The following GPC5 variants were observed in gnomAD, a reference collection of about 807,000 sequenced individuals.
GPC5 encodes the protein glypican 5, also known as glypican-5.
A neutral mutation model predicts 53.9 loss-of-function variants in GPC5; 47 were observed. The ratio of observed to expected loss-of-function variants is 0.87; its 90% CI spans 0.69 to 1.11. GPC5 has a LOEUF of 1.11. Ranked by LOEUF, GPC5 falls within the 50% of genes most tolerant of loss-of-function variation. The probability of loss-of-function intolerance (pLI) is 0.00; values close to 1 mark genes in which losing one functional copy is unlikely to be tolerated. For synonymous variants in GPC5, 286 were observed against 263.3 expected, an observed-to-expected ratio of 1.09 and a Z score of -0.84; for missense variants, 748 against 713.1, an observed-to-expected ratio of 1.05 and a Z score of -0.56.
At chr13:91,900,959 T>A (rs2039492201) in intron 5 of GPC5, among the ~76,000 whole-genome samples, 1 of 152,112 alleles carries the variant, frequency 6.6e-6, no homozygotes. Context: ...AATCAGGAGT[T>A]AGGGTGAACA....
chr13:91,537,966 G>C (rs1340914156), intron 2 of GPC5, among the ~76,000 whole-genome samples: 1 of 152,148 alleles, frequency 6.6e-6, no homozygotes, highest in Non-Finnish European at 1.5e-5. Context: ...CCCCAAGGTG[G>C]AAACAACTCA....
chr13:92,535,831 A>G lies in GPC5; in HGVS notation c.1562-330451A>G, dbSNP rs567693912. ...ATATTAGAAATGGAAACAACAAGGC[A>G]TGGATGTTGGAATATAGCAAGTTTG... On this transcript the variant is annotated intron_variant, in intron 7 of 7. Transcript: ENST00000377067. 2.0e-5 allele frequency among the ~76,000 whole-genome samples: 3 copies of G among 152,260 alleles called. No homozygotes were observed. In the South Asian group the frequency reaches 6.2e-4, roughly 32 times the overall value.
intron 7 of GPC5, among the ~76,000 whole-genome samples, chr13:92,822,283 A>G (rs1048750919): frequency 6.6e-6 from 1 of 152,134 alleles, no homozygotes; most frequent in African/African-American, 2.4e-5. Flanking sequence ...ACTATCATGG[A>G]AATATTTATC....
chr13:92,390,525 T>C (rs1366429168), intron 7 of GPC5, among the ~76,000 whole-genome samples: 1 of 152,144 alleles, frequency 6.6e-6, no homozygotes, highest in Non-Finnish European at 1.5e-5. Context: ...CTGCCTTTTA[T>C]GGGTTTGTGG....
At chr13:91,421,729 C>T (rs532858190) in intron 1 of GPC5, among the ~76,000 whole-genome samples, 1 of 152,250 alleles carries the variant, frequency 6.6e-6, no homozygotes, top group Admixed American at 6.5e-5. Flanking sequence ...GACTGTCACC[C>T]TCAGTACAGT....
intron 5 of GPC5, among the ~76,000 whole-genome samples, chr13:91,871,817 G>A (rs1485230561): frequency 6.6e-6 from 1 of 151,812 alleles, no homozygotes; most frequent in East Asian, 1.9e-4. Context: ...TTGCCATGAC[G>A]CTAGATTAGT....
chr13:92,374,032 T>C (rs889118014), intron 7 of GPC5, among the ~76,000 whole-genome samples: 2 of 152,208 alleles, frequency 1.3e-5, no homozygotes, highest in African/African-American at 4.8e-5. Context: ...TGAGTTGCCA[T>C]ATCCTATAAA....
intron 7 of GPC5, among the ~76,000 whole-genome samples, chr13:92,336,231 G>A (rs578208358): frequency 3.9e-4 from 60 of 152,272 alleles, no homozygotes; most frequent in African/African-American, 1.4e-3. Flanking sequence ...GGCAGGTAAA[G>A]CAAGGTATTT....
At chr13:91,727,400 T>C (rs1594486640) in intron 3 of GPC5, among the ~76,000 whole-genome samples, 1 of 152,164 alleles carries the variant, frequency 6.6e-6, no homozygotes, top group South Asian at 2.1e-4. Flanking sequence ...TTTTGACACA[T>C]ACAACTTGCA....
At chr13:91,970,493 T>C (rs1387626663) in intron 6 of GPC5, among the ~76,000 whole-genome samples, 1 of 151,804 alleles carries the variant, frequency 6.6e-6, no homozygotes. Context: ...GATATGTCAG[T>C]TAGTTAGACT....
chr13:92,645,624 C>A (rs1885742247), intron 7 of GPC5, among the ~76,000 whole-genome samples: 1 of 152,072 alleles, frequency 6.6e-6, no homozygotes, highest in Non-Finnish European at 1.5e-5. Flanking sequence ...TCCAAAGTGG[C>A]TATAATAGTT....
At chr13:92,638,545 T>C (rs1885486261) in intron 7 of GPC5, among the ~76,000 whole-genome samples, 1 of 143,070 alleles carries the variant, frequency 7.0e-6, no homozygotes, top group South Asian at 2.1e-4. Flanking sequence ...CCAAGTCAGC[T>C]TCCTGTTTTC....
chr13:91,666,531 A>G (rs2035117487), intron 2 of GPC5, among the ~76,000 whole-genome samples: 1 of 152,174 alleles, frequency 6.6e-6, no homozygotes, highest in South Asian at 2.1e-4. Flanking sequence ...TTTAATTGAA[A>G]TTGCATTTCA....
chr13:92,753,019 G>T (rs1368145363), intron 7 of GPC5, among the ~76,000 whole-genome samples: 2 of 152,192 alleles, frequency 1.3e-5, no homozygotes, highest in African/African-American at 4.8e-5. Flanking sequence ...GCCTCTGTAG[G>T]CTCCACCTCT....
At chr13:91,978,800 A>G (rs1334918832) in intron 6 of GPC5, among the ~76,000 whole-genome samples, 2 of 152,240 alleles carry the variant, frequency 1.3e-5, no homozygotes, top group African/African-American at 4.8e-5. Flanking sequence ...AATGGGTAAT[A>G]TGAGGGCAGG....
intron 7 of GPC5, among the ~76,000 whole-genome samples, chr13:92,385,369 T>TACAC (rs1441934635): frequency 2.4e-5 from 2 of 82,516 alleles, no homozygotes; most frequent in Non-Finnish European, 4.8e-5. Context: ...TATACATATA[T>TACAC]ATACATATAT....
Position 91,559,644 on chromosome 13 carries a change from C to T in GPC5, c.325+110722C>T, listed in dbSNP as rs971975561. ...CACATGAAACTGGCTGTATTGAACC[C>T]CTAAGTCATTCTGAGCCTTCCTTAC... On this transcript the variant is annotated intron_variant, in intron 2 of 7. Coordinates refer to ENST00000377067, the MANE Select transcript of GPC5 (RefSeq NM_004466.6). 2.8e-4 allele frequency among the ~76,000 whole-genome samples: 42 copies of T among 152,062 alleles called. 1 individual carries two copies. The highest frequency in any genetic ancestry group is 4.4e-5 in the Non-Finnish European group (3 of 67,996).
chr13:92,449,711 A>G (rs1435865130), intron 7 of GPC5, among the ~76,000 whole-genome samples: 1 of 152,178 alleles, frequency 6.6e-6, no homozygotes, highest in Non-Finnish European at 1.5e-5. Context: ...AAAATCAAGA[A>G]TAGTAACTAC....
At chr13:92,323,873 C>G (rs1330707234) in intron 7 of GPC5, among the ~76,000 whole-genome samples, 3 of 151,816 alleles carry the variant, frequency 2.0e-5, no homozygotes, top group Admixed American at 6.6e-5. Context: ...TTAGTTATAT[C>G]TAATTTCAAG....
Sources: allele counts gnomAD v4.1 joint callset (sites outside exome capture counted in the v4.1 genomes callset), GRCh38; gene constraint gnomAD v4.1.1; transcripts MANE v1.5; gene names NCBI Gene and HGNC (gene_info 2026-07-23, HGNC 2026-07-21).